ZDHHC7: variants seen among roughly 807,000 people sequenced by gnomAD.
ZDHHC7 encodes the protein palmitoyltransferase ZDHHC7.
A neutral mutation model predicts 34.1 loss-of-function variants in ZDHHC7; 12 were observed. The ratio of observed to expected loss-of-function variants is 0.35; its 90% CI spans 0.23 to 0.57. ZDHHC7 has a LOEUF of 0.57. Ranked by LOEUF, ZDHHC7 falls within the 20% of genes least tolerant of loss-of-function variation. The pLI is 0.84. For synonymous variants in ZDHHC7, 185 were observed against 155.4 expected, an observed-to-expected ratio of 1.19 and a Z score of -1.42; for missense variants, 388 against 402.7, an observed-to-expected ratio of 0.96 and a Z score of 0.31.
chr16:85,007,439 A>AGAATG (rs1303971398), intron 1 of ZDHHC7, among the ~76,000 whole-genome samples: 5 of 151,472 alleles, frequency 3.3e-5, no homozygotes, highest in Admixed American at 6.6e-5. Flanking sequence ...AAAAAAAAAA[A>AGAATG]GAATGGAATG....
chr16:84,990,698 G>T, intron 2 of ZDHHC7, 63 bp from the exon 3 acceptor site: 1 of 1,394,936 alleles, frequency 7.2e-7, no homozygotes, highest in Non-Finnish European at 9.8e-7. Flanking sequence ...CCTTAAATAT[G>T]ATGTGTTACA....
At chr16:85,016,416 C>A (rs1597573669), upstream of ZDHHC7, among the ~76,000 whole-genome samples, 1 of 151,802 alleles carries the variant, frequency 6.6e-6, no homozygotes, top group African/African-American at 2.4e-5. Context: ...TAAAATTGTA[C>A]CCTTGCTAAA....
the ZDHHC7 span, among the ~76,000 whole-genome samples, chr16:85,019,263 C>T: frequency 6.6e-6 from 1 of 152,196 alleles, no homozygotes; most frequent in African/African-American, 2.4e-5. Context: ...TTCACTTACC[C>T]CGTTGACTAT....
At chr16:84,976,721 A>C (rs2072303136) in intron 7 of ZDHHC7, among the ~76,000 whole-genome samples, 1 of 152,208 alleles carries the variant, frequency 6.6e-6, no homozygotes, top group African/African-American at 2.4e-5. Context: ...GCCAGCCCAG[A>C]CTACCACAAT....
At chr16:84,984,202 G>A (rs1338820302) in intron 3 of ZDHHC7, among the ~76,000 whole-genome samples, 1 of 151,786 alleles carries the variant, frequency 6.6e-6, no homozygotes, top group Admixed American at 6.6e-5. Flanking sequence ...CGTATTTTTA[G>A]TAGAGACGGG....
At chr16:84,989,661 T>G (rs1597544335) in intron 3 of ZDHHC7, among the ~76,000 whole-genome samples, 1 of 124,460 alleles carries the variant, frequency 8.0e-6, no homozygotes, top group Admixed American at 1.0e-4. Flanking sequence ...CACATTGCAC[T>G]CCAGCCTGGG....
chr16:85,002,711 G>C (rs897558652), intron 1 of ZDHHC7, among the ~76,000 whole-genome samples: 3 of 152,144 alleles, frequency 2.0e-5, no homozygotes, highest in African/African-American at 4.8e-5. Context: ...ATCGATAGGA[G>C]AAAGCGTGGG....
chr16:85,004,743 G>T (rs1001943685), intron 1 of ZDHHC7, among the ~76,000 whole-genome samples: 1 of 152,182 alleles, frequency 6.6e-6, no homozygotes, highest in Non-Finnish European at 1.5e-5. Context: ...GGGTGCTTGA[G>T]GGAGACAAGA....
intron 1 of ZDHHC7, among the ~76,000 whole-genome samples, chr16:85,002,728 G>A (rs537149973): frequency 1.3e-5 from 2 of 152,212 alleles, no homozygotes; most frequent in Admixed American, 6.5e-5. Context: ...TGGGTGGAGT[G>A]GGGGGATGGT....
chr16:85,023,168 C>CTT, the ZDHHC7 span, among the ~76,000 whole-genome samples: 19 of 138,888 alleles, frequency 1.4e-4, no homozygotes, highest in African/African-American at 3.2e-4. Flanking sequence ...TCTTTCTTTT[C>CTT]TTTTTTTTTT....
Position 84,995,913 on chromosome 16 carries a change from C to T in ZDHHC7, c.-18+9G>A, listed in dbSNP as rs1290603896. 1 of 152,260 alleles carries T rather than the reference C, an allele frequency of 6.6e-6. No individual in the cohort carries two copies. Among genetic ancestry groups the T allele is most frequent in the Non-Finnish European group, 1.5e-5 (1 of 68,038 alleles). 9.4% of individuals were successfully genotyped at this position (152,260 alleles called of 1,614,324 possible). A position where few individuals can be genotyped will look rare whatever the true frequency, so the allele number is the denominator to read the frequency against. Reference sequence around the variant, plus strand: ...ACAGTGATTGGACCCTAAATAATCACACTCTTACCTCACAAGTTATTTCTA... The same window carrying T: ...ACAGTGATTGGACCCTAAATAATCATACTCTTACCTCACAAGTTATTTCTA... On this transcript the variant is annotated intron_variant, in intron 2 of 7. Coordinates refer to ENST00000313732, the MANE Select transcript of ZDHHC7 (RefSeq NM_017740.3).
At chr16:84,982,675 C>T (rs1488854981) in intron 3 of ZDHHC7, among the ~76,000 whole-genome samples, 1 of 152,244 alleles carries the variant, frequency 6.6e-6, no homozygotes, top group East Asian at 1.9e-4. Context: ...CCAACTTCCT[C>T]AAAGGCATTC....
intron 1 of ZDHHC7, among the ~76,000 whole-genome samples, chr16:85,003,550 C>T (rs904108361): frequency 6.6e-6 from 1 of 152,082 alleles, no homozygotes; most frequent in Non-Finnish European, 1.5e-5. Context: ...TCTAAGAAAC[C>T]ATGATTTTCT....
At chr16:84,992,298 C>G (rs1465366500) in intron 2 of ZDHHC7, among the ~76,000 whole-genome samples, 1 of 151,056 alleles carries the variant, frequency 6.6e-6, no homozygotes, top group African/African-American at 2.4e-5. Context: ...TGAAACCCGT[C>G]TCTACTAAAA....
rs1414994335 is a variant in ZDHHC7 at position 84,975,010 on chromosome 16, AGACTTT to A, written c.*1327_*1332del. ...AGGGCAAGCATAAAGGAAGACCCTC[AGACTTT>A]GTCACAGATTGCTTCTTGATGCGTC... is the stretch of plus-strand genomic sequence containing the variant. On this transcript the variant is annotated 3_prime_UTR_variant, in exon 8 of 8. Coordinates refer to ENST00000313732, the MANE Select transcript of ZDHHC7 (RefSeq NM_017740.3). 14 of 152,708 alleles carry A rather than the reference AGACTTT, an allele frequency of 9.2e-5. No homozygotes were observed. The highest frequency in any genetic ancestry group is 2.9e-5 in the Non-Finnish European group (2 of 68,050). 9.5% of individuals were successfully genotyped at this position (152,708 alleles called of 1,614,324 possible).
chr16:84,985,079 C>T (rs892919813), intron 3 of ZDHHC7, among the ~76,000 whole-genome samples: 1 of 152,324 alleles, frequency 6.6e-6, no homozygotes, highest in Admixed American at 6.5e-5. Flanking sequence ...TGAATGTTTC[C>T]CACTCATCTT....
chr16:84,990,292 G>A lies in ZDHHC7; in HGVS notation c.315+12C>T, dbSNP rs560430838. 1.8e-4 allele frequency: 285 copies of A among 1,611,728 alleles called. No individual in the cohort carries two copies. The Admixed American group carries it at 4.3e-3, about 24-fold the overall frequency. On this transcript the variant is annotated intron_variant, in intron 3 of 7. Transcript: ENST00000313732. ...CACAAGAGAGCCACCCAGAGACGCA[G>A]CCAGTACTCACAGGGTCGGTGAGCA...
At chr16:84,990,252 G>T (rs759785038) in intron 3 of ZDHHC7, 52 bp downstream of exon 3, 8 of 1,583,392 alleles carry the variant, frequency 5.1e-6, no homozygotes, top group Non-Finnish European at 6.0e-6. Flanking sequence ...CCACACCCGA[G>T]GACACTAGAC....
intron 3 of ZDHHC7, chr16:84,988,837 C>A: frequency 6.4e-7 from 1 of 1,551,794 alleles, no homozygotes; most frequent in South Asian, 1.2e-5. Flanking sequence ...CCAGTTTTCA[C>A]TGTGCAGGCA....
Sources: allele counts gnomAD v4.1 joint callset (sites outside exome capture counted in the v4.1 genomes callset), GRCh38; gene constraint gnomAD v4.1.1; transcripts MANE v1.5; gene names NCBI Gene and HGNC (gene_info 2026-07-23, HGNC 2026-07-21).